DPP10: variants seen among roughly 807,000 people sequenced by gnomAD.
The protein encoded by DPP10 is inactive dipeptidyl peptidase 10.
Under a neutral mutation model 120.9 loss-of-function variants are expected in DPP10, and 33 were observed. That is an observed-to-expected ratio of 0.27 (90% CI 0.21 to 0.37). The LOEUF (loss-of-function observed/expected upper bound fraction) is 0.37, where lower values mean the gene tolerates loss of function less well. Among genes scored for constraint, DPP10 ranks in the 10% least tolerant of loss-of-function variants. The probability of loss-of-function intolerance (pLI) is 1.00; values close to 1 mark genes in which losing one functional copy is unlikely to be tolerated. For synonymous variants in DPP10, 337 were observed against 326.1 expected (o/e 1.03, Z -0.36); for missense variants, 816 against 942.8 (o/e 0.87, Z 1.76).
chr2:115,108,984 A>G (rs1035528460), intron 1 of DPP10, among the ~76,000 whole-genome samples: 10 of 151,930 alleles, frequency 6.6e-5, no homozygotes, highest in Admixed American at 3.9e-4. Context: ...TTGAGCAGCC[A>G]TAGCTATGTA....
intron 3 of DPP10, among the ~76,000 whole-genome samples, chr2:115,379,388 C>T (rs185460368): frequency 9.2e-4 from 140 of 152,166 alleles, no homozygotes; most frequent in Admixed American, 2.2e-3. Flanking sequence ...TCTGTGGGAT[C>T]GGTGGTGATA....
At chr2:115,585,784 C>G (rs897159605) in intron 5 of DPP10, among the ~76,000 whole-genome samples, 1 of 152,078 alleles carries the variant, frequency 6.6e-6, no homozygotes, top group Admixed American at 6.6e-5. Flanking sequence ...ATGTGGACAT[C>G]TATCTATCTA....
chr2:115,637,165 A>C (rs886264025), intron 5 of DPP10, among the ~76,000 whole-genome samples: 1 of 152,242 alleles, frequency 6.6e-6, no homozygotes, highest in Non-Finnish European at 1.5e-5. Flanking sequence ...AATGATACAA[A>C]AAGAAATTAT....
At chr2:114,598,591 A>G (rs1692114733) in intron 1 of DPP10, among the ~76,000 whole-genome samples, 1 of 151,912 alleles carries the variant, frequency 6.6e-6, no homozygotes, top group Non-Finnish European at 1.5e-5. Context: ...GAGGGAAACC[A>G]GGGAAATACT....
intron 9 of DPP10, among the ~76,000 whole-genome samples, chr2:115,742,512 T>G (rs1177240662): frequency 6.6e-6 from 1 of 152,162 alleles, no homozygotes; most frequent in East Asian, 1.9e-4. Flanking sequence ...AGAAAGAATT[T>G]CCAGTCCTCA....
chr2:115,594,054 A>G (rs2082844388), intron 5 of DPP10, among the ~76,000 whole-genome samples: 1 of 152,170 alleles, frequency 6.6e-6, no homozygotes, highest in Admixed American at 6.5e-5. Context: ...TTCTTTACTT[A>G]CCATAGGTCA....
At chr2:115,786,465 T>G (rs971425385) in intron 17 of DPP10, among the ~76,000 whole-genome samples, 1 of 152,052 alleles carries the variant, frequency 6.6e-6, no homozygotes, top group African/African-American at 2.4e-5. Flanking sequence ...TTTCTGGCCA[T>G]GGAGTAACTG....
chr2:115,067,915 G>A (rs1442046611), intron 1 of DPP10, among the ~76,000 whole-genome samples: 1 of 143,818 alleles, frequency 7.0e-6, no homozygotes, highest in African/African-American at 2.7e-5. Context: ...GTGGGTGTGT[G>A]GGGGTGTGTG....
In DPP10 at chr2:115,447,223, T is replaced by C. The variant is rs567902921; in HGVS notation, c.272-52287T>C. On this transcript the variant is annotated intron_variant, in intron 3 of 25. Coordinates refer to ENST00000410059, the MANE Select transcript of DPP10 (RefSeq NM_020868.6). The stretch of plus-strand genomic sequence containing the variant: ...GATGGGGGCCTGTAGCCCCTTTACT[T>C]TGGCCAATTTCTCCCATTTGAAATG... Among the ~76,000 whole-genome samples the C allele has an allele frequency of 1.3e-4, 20 of 152,354 alleles. No homozygotes were observed. In the East Asian group the frequency reaches 3.1e-3, roughly 24 times the overall value.
intron 1 of DPP10, among the ~76,000 whole-genome samples, chr2:115,099,406 G>A (rs946239614): frequency 6.6e-6 from 1 of 152,148 alleles, no homozygotes; most frequent in African/African-American, 2.4e-5. Context: ...CTTTCTCCCG[G>A]TGATCAAGGT....
chr2:115,111,739 T>C (rs1226292571), intron 1 of DPP10, among the ~76,000 whole-genome samples: 1 of 152,172 alleles, frequency 6.6e-6, no homozygotes. Context: ...TCAGGCCACA[T>C]GTAATAGGAT....
intron 1 of DPP10, among the ~76,000 whole-genome samples, chr2:115,001,765 T>G (rs953210562): frequency 6.6e-6 from 1 of 152,100 alleles, no homozygotes; most frequent in Non-Finnish European, 1.5e-5. Flanking sequence ...AAGTCAAGAA[T>G]GCAATCCTAT....
At chr2:115,624,301 T>C (rs916006936) in intron 5 of DPP10, among the ~76,000 whole-genome samples, 1 of 152,202 alleles carries the variant, frequency 6.6e-6, no homozygotes, top group African/African-American at 2.4e-5. Context: ...TTTATCTTCT[T>C]TTTCTATTCT....
intron 9 of DPP10, among the ~76,000 whole-genome samples, 181 bp from the exon 10 acceptor site, chr2:115,745,905 A>G (rs765440280): frequency 1.3e-5 from 2 of 152,198 alleles, no homozygotes; most frequent in East Asian, 3.9e-4. Context: ...AGAAGCAGCA[A>G]TCTTCAAAAA....
chr2:114,902,015 G>A (rs1384223941), intron 1 of DPP10, among the ~76,000 whole-genome samples: 1 of 152,168 alleles, frequency 6.6e-6, no homozygotes, highest in Non-Finnish European at 1.5e-5. Flanking sequence ...GACAACATCT[G>A]CTTATCATGA....
chr2:115,803,228 G>C (rs866026033), intron 19 of DPP10, among the ~76,000 whole-genome samples: 2 of 152,086 alleles, frequency 1.3e-5, no homozygotes, highest in African/African-American at 4.8e-5. Context: ...TTTAAAGTCT[G>C]TTTCATCTGA....
intron 5 of DPP10, among the ~76,000 whole-genome samples, chr2:115,530,167 C>G (rs1384423320): frequency 6.6e-6 from 1 of 151,828 alleles, no homozygotes; most frequent in South Asian, 2.1e-4. Flanking sequence ...CATTTTATAT[C>G]ATTTCATTTA....
rs113032126 is a variant in DPP10, at chr2:114,660,590, A to C, written c.60+217752A>C. 4.6e-5 allele frequency among the ~76,000 whole-genome samples: 7 copies of C among 152,328 alleles called. 1 individual carries two copies. Among genetic ancestry groups the C allele is most frequent in the African/African-American group, 1.7e-4 (7 of 41,592 alleles). On this transcript the variant is annotated intron_variant, in intron 1 of 25. Coordinates refer to ENST00000410059, the MANE Select transcript of DPP10 (RefSeq NM_020868.6). ...TACTTGATTCCTGACTTTGAAACTC[A>C]TTAGAAAGTGACCTTGCACTGCTGA...
At chr2:115,233,764 T>C (rs1277657745) in intron 1 of DPP10, among the ~76,000 whole-genome samples, 1 of 152,166 alleles carries the variant, frequency 6.6e-6, no homozygotes, top group African/African-American at 2.4e-5. Context: ...GACAGGATGA[T>C]ACTCCATAGA....
Sources: allele counts gnomAD v4.1 joint callset (sites outside exome capture counted in the v4.1 genomes callset), GRCh38; gene constraint gnomAD v4.1.1; transcripts MANE v1.5; gene names NCBI Gene and HGNC (gene_info 2026-07-23, HGNC 2026-07-21).